LRRFIP2: variants seen among roughly 807,000 people sequenced by gnomAD.
LRRFIP2 encodes leucine-rich repeat flightless-interacting protein 2.
LRRFIP2 carries 109 observed loss-of-function variants against 125.9 expected under a neutral mutation model. The ratio of observed to expected loss-of-function variants is 0.87; its 90% CI spans 0.74 to 1.01. The LOEUF is 1.01. Ranked by LOEUF, LRRFIP2 falls within the 50% of genes least tolerant of loss-of-function variation. The pLI is 0.00. For synonymous variants in LRRFIP2, 291 were observed against 293.1 expected (o/e 0.99, Z 0.07); for missense variants, 850 against 862.3 (o/e 0.99, Z 0.18).
rs1819816 is a variant in LRRFIP2 at position 37,060,402 on chromosome 3, G to A, written c.1750-1492C>T. Among the ~76,000 whole-genome samples, 5,454 of 152,132 alleles carry A rather than the reference G, an allele frequency of 0.036. 152 individuals are homozygous for A. Among genetic ancestry groups the A allele is most frequent in the African/African-American group, 0.076 (3,151 of 41,468 alleles). On this transcript the variant is annotated intron_variant, in intron 24 of 27. Coordinates refer to ENST00000336686, the MANE Select transcript of LRRFIP2 (RefSeq NM_006309.4). The surrounding 1 kb of genome is among the most constrained non-coding windows in gnomAD (Gnocchi z 4.1). ...CAGCTCACTGCAACCTCCGCCTCCCGGGTTCAAGCGATTTTCCTGCCTCAG... is the reference window on the plus strand; with the variant it reads ...CAGCTCACTGCAACCTCCGCCTCCCAGGTTCAAGCGATTTTCCTGCCTCAG...
intron 1 of LRRFIP2, among the ~76,000 whole-genome samples, chr3:37,155,087 T>C (rs2096144625): frequency 6.6e-6 from 1 of 152,236 alleles, no homozygotes. Flanking sequence ...AAACTTAAAA[T>C]GAGAAGATCC....
At chr3:37,159,225 C>T (rs575367843) in intron 1 of LRRFIP2, among the ~76,000 whole-genome samples, 1 of 152,322 alleles carries the variant, frequency 6.6e-6, no homozygotes, top group African/African-American at 2.4e-5. Flanking sequence ...GTCCCAGCAT[C>T]ATTTGTTGAA....
intron 19 of LRRFIP2, among the ~76,000 whole-genome samples, chr3:37,076,610 T>C (rs918616171): frequency 3.3e-5 from 5 of 152,176 alleles, no homozygotes; most frequent in Admixed American, 6.5e-5. Flanking sequence ...CTCACGCCTG[T>C]AATCCCAGCA....
intron 15 of LRRFIP2, among the ~76,000 whole-genome samples, chr3:37,100,629 T>A (rs2093987789): frequency 6.6e-6 from 1 of 152,134 alleles, no homozygotes; most frequent in Admixed American, 6.6e-5. Context: ...CACTTATATG[T>A]AAGTACTAAA....
chr3:37,063,587 CAA>C (rs2089361848), intron 24 of LRRFIP2, among the ~76,000 whole-genome samples, 153 bp downstream of exon 24: 1 of 152,112 alleles, frequency 6.6e-6, no homozygotes, highest in Non-Finnish European at 1.5e-5. Context: ...CAGAAAATAA[CAA>C]AGAGGTAAAA....
At chr3:37,173,960 T>TA (rs1178290249) in intron 1 of LRRFIP2, among the ~76,000 whole-genome samples, 1 of 152,262 alleles carries the variant, frequency 6.6e-6, no homozygotes, top group Non-Finnish European at 1.5e-5. Context: ...GACTGTCAGT[T>TA]ACGGTGATTT....
In LRRFIP2 at chr3:37,128,972, C is replaced by T. The variant is rs2095357045; in HGVS notation, c.177+91G>A. The T allele has an allele frequency of 4.3e-6, 5 of 1,169,598 alleles. No homozygotes were observed. The Admixed American group carries it at 9.1e-5, about 21-fold the overall frequency. The allele number at this position is 1,169,598 out of a possible 1,614,324, so 72.5% of individuals were successfully genotyped here. On this transcript the variant is annotated intron_variant, in intron 3 of 27. Transcript: ENST00000336686. ...TCAGTTTATACTATTTTCAATGTTT[C>T]AAAGGAAACCAGATTCACATCAGAA...
intron 18 of LRRFIP2, among the ~76,000 whole-genome samples, chr3:37,087,449 A>T (rs1261912020): frequency 6.6e-6 from 1 of 152,234 alleles, no homozygotes; most frequent in Non-Finnish European, 1.5e-5. Context: ...TACAATAAAT[A>T]AGACATAAAT....
chr3:37,094,117 C>G (rs907883903), intron 17 of LRRFIP2, among the ~76,000 whole-genome samples: 8 of 152,162 alleles, frequency 5.3e-5, no homozygotes, highest in Non-Finnish European at 1.2e-4. Flanking sequence ...AAGGGAAATC[C>G]TGAAGGCCAG....
chr3:37,124,025 C>A (rs1328305951), intron 4 of LRRFIP2, among the ~76,000 whole-genome samples: 2 of 152,076 alleles, frequency 1.3e-5, no homozygotes, highest in African/African-American at 4.8e-5. Context: ...AATATAAACC[C>A]CCATACAGGT....
At chr3:37,149,573 C>T (rs943357440) in intron 1 of LRRFIP2, among the ~76,000 whole-genome samples, 3 of 152,078 alleles carry the variant, frequency 2.0e-5, no homozygotes, top group Non-Finnish European at 4.4e-5. Flanking sequence ...CAATTTCCAT[C>T]CCAGAATGAA....
intron 20 of LRRFIP2, among the ~76,000 whole-genome samples, chr3:37,074,341 C>T (rs2091723878): frequency 6.6e-6 from 1 of 152,152 alleles, no homozygotes; most frequent in African/African-American, 2.4e-5. Context: ...CCTTTGATAG[C>T]CACACCTAGA....
In LRRFIP2 at chr3:37,147,487, A is replaced by G. The variant is rs999348309; in HGVS notation, c.90+1407T>C. Reference sequence around the variant, plus strand: ...TTTTTAATGTATTTTTGTTATAGTAATATCACAATTTCTTATCAGGTTTTA... The same window carrying G: ...TTTTTAATGTATTTTTGTTATAGTAGTATCACAATTTCTTATCAGGTTTTA... On this transcript the variant is annotated intron_variant, in intron 2 of 27. Transcript: ENST00000336686. Among the ~76,000 whole-genome samples, 15 of 152,216 alleles carry G rather than the reference A, an allele frequency of 9.9e-5. 1 individual carries two copies. Among genetic ancestry groups the G allele is most frequent in the Admixed American group, 9.8e-4 (15 of 15,274 alleles).
chr3:37,078,669 A>C (rs1359469062), intron 19 of LRRFIP2, among the ~76,000 whole-genome samples: 1 of 152,170 alleles, frequency 6.6e-6, no homozygotes, highest in Non-Finnish European at 1.5e-5. Flanking sequence ...AAAGACCCAT[A>C]AACACTGACC....
At position 37,148,952 on chromosome 3, in the gene LRRFIP2, G is replaced by A. The variant is rs2150032634; in HGVS notation, c.32C>T (p.Thr11Ile). The change falls in exon 2 of 28, where the codon ACA (threonine) becomes ATA (isoleucine). Residue 11 changes from threonine (T) to isoleucine (I), a missense_variant. Coordinates refer to ENST00000336686, the MANE Select transcript of LRRFIP2 (RefSeq NM_006309.4). ...TGCAGAAAATCGGTCTTTCACAGGT[G>A]TTCTTTTCCTTCCAGAAGCAGGAGT... The part of the protein sequence containing the change: MGTPASGRKR[T>I]PVKDRFSAED... 1 of 1,614,018 alleles carries A rather than the reference G, an allele frequency of 6.2e-7. No individual in the cohort carries two copies. Among genetic ancestry groups the A allele is most frequent in the Non-Finnish European group, 8.5e-7 (1 of 1,179,952 alleles).
At chr3:37,134,819 T>C in intron 2 of LRRFIP2, 1 of 920,868 alleles carries the variant, frequency 1.1e-6, no homozygotes, top group East Asian at 2.5e-5. Context: ...TTTTGGCAAT[T>C]CATTTTCCTA....
rs1411638860 is a variant in LRRFIP2 at position 37,072,804 on chromosome 3, C to T, written c.1450G>A (p.Asp484Asn). 1 of 1,611,228 alleles carries T rather than the reference C, an allele frequency of 6.2e-7. No individual in the cohort carries two copies. Among genetic ancestry groups the T allele is most frequent in the African/African-American group, 1.3e-5 (1 of 74,746 alleles). The change falls in exon 21 of 28, where the codon GAT (aspartate) becomes AAT (asparagine). Residue 484 changes from aspartate to asparagine, a missense_variant. By Grantham distance (23) the Asp-to-Asn change is conservative. Transcript: ENST00000336686. ...FDLQETLLWK[D>N]KKIGALEKQK... ...TCATTTCATACCCCAATTTTTTTAT[C>T]TTTCCAAAGAAGTGTCTCCTGGAGG...
rs1265354130 is a variant in LRRFIP2 at position 37,129,005 on chromosome 3, G to C, written c.177+58C>G. On this transcript the variant is annotated intron_variant, in intron 3 of 27. Coordinates refer to ENST00000336686, the MANE Select transcript of LRRFIP2 (RefSeq NM_006309.4). ...ACCAGATTCACATCAGAATAAACTA[G>C]CCAAGTACTGATTTTGGGGGAGACA... 21 of 1,442,074 alleles carry C rather than the reference G, an allele frequency of 1.5e-5. No homozygotes were observed. The Middle Eastern group carries it at 5.2e-4, about 36-fold the overall frequency. 89.3% of individuals were successfully genotyped at this position (1,442,074 alleles called of 1,614,324 possible). A position where few individuals can be genotyped will look rare whatever the true frequency, so the allele number is the denominator to read the frequency against.
At chr3:37,064,775 C>G (rs898997039) in intron 23 of LRRFIP2, 6 of 152,146 alleles carry the variant, frequency 3.9e-5, no homozygotes, top group African/African-American at 1.4e-4. Context: ...AACCACTACC[C>G]TCTGTAAACA....
Sources: gnomAD v4.1 joint callset for allele counts (sites outside exome capture counted in the v4.1 genomes callset) on GRCh38, gnomAD v4.1.1 for gene constraint, Gnocchi (gnomAD v3.1) non-coding constraint, MANE v1.5 for transcripts, NCBI Gene and HGNC (gene_info 2026-07-23, HGNC 2026-07-21) for gene names.